The following FBXO15 variants were observed in gnomAD, a reference collection of about 807,000 sequenced individuals.
FBXO15 encodes F-box protein 15.
FBXO15 carries 30 observed loss-of-function variants against 49.5 expected under a neutral mutation model. The ratio of observed to expected loss-of-function variants is 0.61; its 90% CI spans 0.45 to 0.82. The LOEUF (loss-of-function observed/expected upper bound fraction) is 0.82. Ranked by LOEUF, FBXO15 falls within the 40% of genes least tolerant of loss-of-function variation. The probability of loss-of-function intolerance (pLI) is 0.00; values close to 1 mark genes in which losing one functional copy is unlikely to be tolerated. For synonymous variants in FBXO15, 250 were observed against 232.7 expected, an observed-to-expected ratio of 1.07 and a Z score of -0.68; for missense variants, 591 against 631.5, an observed-to-expected ratio of 0.94 and a Z score of 0.69.
Position 74,140,228 on chromosome 18 carries a change from G to GA in FBXO15, c.200dup (p.Ser68LeufsTer43). 6.4e-7 allele frequency: 1 copy of GA among 1,551,380 alleles called. No homozygotes were observed. The highest frequency in any genetic ancestry group is 8.7e-7 in the Non-Finnish European group (1 of 1,146,928). ...CATCCAGGAACCCAGAACAGCAGGA[G>GA]AAAGAGCTCTCCCAGTGCTGTCCAC... On this transcript the variant is annotated frameshift_variant, in exon 2 of 10. Coordinates refer to ENST00000419743, the MANE Select transcript of FBXO15 (RefSeq NM_001142958.2). LOFTEE classifies it high-confidence loss of function.
intron 3 of FBXO15, among the ~76,000 whole-genome samples, chr18:74,131,974 C>T (rs1387187154): frequency 1.3e-5 from 2 of 152,202 alleles, no homozygotes; most frequent in Non-Finnish European, 2.9e-5. Context: ...ACCTCCTTGA[C>T]TCAGACATTA....
At chr18:74,107,596 A>G (rs1913828224) in intron 8 of FBXO15, among the ~76,000 whole-genome samples, 1 of 152,204 alleles carries the variant, frequency 6.6e-6, no homozygotes, top group Non-Finnish European at 1.5e-5. Context: ...CAGTATAAAA[A>G]AAAGGGAAAC....
intron 8 of FBXO15, among the ~76,000 whole-genome samples, chr18:74,084,620 ACT>A (rs1394879016): frequency 6.6e-6 from 1 of 152,082 alleles, no homozygotes; most frequent in African/African-American, 2.4e-5. Context: ...TTCAGAATAA[ACT>A]CTGTTCTTGG....
chr18:74,096,340 C>A (rs1034693570), intron 8 of FBXO15, among the ~76,000 whole-genome samples: 6 of 152,010 alleles, frequency 3.9e-5, no homozygotes, highest in Admixed American at 1.3e-4. Flanking sequence ...GGTTCCTGGG[C>A]ACAAACCCCT....
chr18:74,144,486 G>T (rs113734640), intron 1 of FBXO15, among the ~76,000 whole-genome samples: 1 of 152,052 alleles, frequency 6.6e-6, no homozygotes, highest in South Asian at 2.1e-4. Context: ...CAATCCTTGA[G>T]ACTGGAGCAG....
At chr18:74,105,641 T>G (rs1222199551) in intron 8 of FBXO15, among the ~76,000 whole-genome samples, 2 of 151,114 alleles carry the variant, frequency 1.3e-5, no homozygotes, top group African/African-American at 4.9e-5. Context: ...AGAGGTAGGG[T>G]TTCAGCATGT....
chr18:74,093,255 C>G (rs1913126922), intron 8 of FBXO15, among the ~76,000 whole-genome samples: 1 of 33,864 alleles, frequency 3.0e-5, no homozygotes, highest in Admixed American at 4.4e-4. Context: ...CGTGTGCTGG[C>G]AAAACAATGG....
Position 74,075,976 on chromosome 18 carries a change from C to T in FBXO15, c.1264-2246G>A, listed in dbSNP as rs1219121029. On this transcript the variant is annotated intron_variant, in intron 9 of 9. Transcript: ENST00000419743. The surrounding 1 kb of genome is among the most constrained non-coding windows in gnomAD (Gnocchi z 4.1). ...CAAGACCTAAATATTCAAGTGCGTA[C>T]TCAACTTCTGGATCTTTCAACGGTC... Among the ~76,000 whole-genome samples, 3 of 152,174 alleles carry T rather than the reference C, an allele frequency of 2.0e-5. No homozygotes were observed. Among genetic ancestry groups the T allele is most frequent in the African/African-American group, 4.8e-5 (2 of 41,442 alleles).
intron 8 of FBXO15, among the ~76,000 whole-genome samples, chr18:74,083,070 T>C (rs914812693): frequency 2.0e-5 from 3 of 152,114 alleles, no homozygotes; most frequent in Non-Finnish European, 4.4e-5. Flanking sequence ...TGTGACCCAG[T>C]AATATGCTTT....
chr18:74,099,052 GAGGTAA>G (rs1000391757), intron 8 of FBXO15: 15 of 152,358 alleles, frequency 9.8e-5, no homozygotes, highest in African/African-American at 3.1e-4. Flanking sequence ...TTGAACCCAG[GAGGTAA>G]AGGTTGCACT....
At chr18:74,120,031 C>G (rs1390283281) in intron 8 of FBXO15, among the ~76,000 whole-genome samples, 2 of 152,188 alleles carry the variant, frequency 1.3e-5, no homozygotes, top group African/African-American at 4.8e-5. Context: ...CCATGGAGAG[C>G]AGAGACTCAG....
At chr18:74,135,135 GT>G in intron 3 of FBXO15, among the ~76,000 whole-genome samples, 1 of 152,210 alleles carries the variant, frequency 6.6e-6, no homozygotes, top group Admixed American at 6.5e-5. Flanking sequence ...AGAAGCAGAG[GT>G]TTCTCCCCTT....
chr18:74,109,757 C>T (rs1404064430), intron 8 of FBXO15, among the ~76,000 whole-genome samples: 1 of 151,882 alleles, frequency 6.6e-6, no homozygotes, highest in African/African-American at 2.4e-5. Flanking sequence ...CATGTTCTCA[C>T]TCGTAGGTGG....
intron 8 of FBXO15, among the ~76,000 whole-genome samples, chr18:74,108,659 A>G (rs1260878668): frequency 6.6e-6 from 1 of 152,208 alleles, no homozygotes; most frequent in Non-Finnish European, 1.5e-5. Flanking sequence ...ATGACTGAAG[A>G]TGTCCCCAAG....
At chr18:74,143,230 T>A (rs1002842190) in intron 1 of FBXO15, among the ~76,000 whole-genome samples, 9 of 152,216 alleles carry the variant, frequency 5.9e-5, no homozygotes, top group Admixed American at 4.6e-4. Context: ...ACTGAATCAG[T>A]AACAGCTTTT....
At chr18:74,117,297 T>C (rs774302515) in intron 8 of FBXO15, among the ~76,000 whole-genome samples, 2 of 152,068 alleles carry the variant, frequency 1.3e-5, no homozygotes, top group Non-Finnish European at 2.9e-5. Context: ...CCTAACTCAG[T>C]TTCCCATTCT....
intron 9 of FBXO15, among the ~76,000 whole-genome samples, chr18:74,080,090 T>C (rs1010473443): frequency 1.3e-5 from 2 of 152,234 alleles, no homozygotes; most frequent in African/African-American, 4.8e-5. Flanking sequence ...AAGTCATATG[T>C]ACCTAAGAAA....
At chr18:74,140,416 C>T (rs1264353396) in intron 1 of FBXO15, 104 bp from the exon 2 acceptor site, 17 of 1,005,924 alleles carry the variant, frequency 1.7e-5, no homozygotes, top group East Asian at 3.1e-5. Context: ...CCAAAGATTA[C>T]TCACTGAAAA....
intron 9 of FBXO15, among the ~76,000 whole-genome samples, chr18:74,077,903 C>T (rs893762195): frequency 5.3e-5 from 8 of 152,194 alleles, no homozygotes; most frequent in African/African-American, 1.7e-4. Flanking sequence ...ACTGGGCTAG[C>T]AGTCACTTGA....
Sources: allele counts gnomAD v4.1 joint callset (sites outside exome capture counted in the v4.1 genomes callset), GRCh38; gene constraint gnomAD v4.1.1; non-coding constraint Gnocchi (gnomAD v3.1); transcripts MANE v1.5; gene names NCBI Gene and HGNC (gene_info 2026-07-23, HGNC 2026-07-21).